ST3GAL1: variants seen among roughly 807,000 people sequenced by gnomAD.
The protein encoded by ST3GAL1 is CMP-N-acetylneuraminate-beta-galactosamide-alpha-2,3-sialyltransferase 1.
ST3GAL1 carries 16 observed loss-of-function variants against 34.1 expected under a neutral mutation model. The ratio of observed to expected loss-of-function variants is 0.47; its 90% CI spans 0.32 to 0.71. The LOEUF is 0.71. ST3GAL1 is among the 30% of genes least tolerant of loss of function. The pLI, the probability that ST3GAL1 is intolerant of heterozygous loss-of-function variation, is 0.04. For missense variants in ST3GAL1, 353 were observed against 447.4 expected, an observed-to-expected ratio of 0.79 and a Z score of 1.90; for synonymous variants, 191 against 184.7, an observed-to-expected ratio of 1.03 and a Z score of -0.28.
At chr8:133,521,315 T>C (rs1646342143) in intron 2 of ST3GAL1, among the ~76,000 whole-genome samples, 1 of 151,872 alleles carries the variant, frequency 6.6e-6, no homozygotes, top group Non-Finnish European at 1.5e-5. Context: ...TGGGGGTTTT[T>C]TGAGACGGAA....
intron 2 of ST3GAL1, among the ~76,000 whole-genome samples, chr8:133,538,517 AAAATAAAT>A (rs1412459381): frequency 6.6e-6 from 1 of 152,212 alleles, no homozygotes; most frequent in Non-Finnish European, 1.5e-5. Flanking sequence ...TCCATCTCAA[AAAATAAAT>A]AAATAAATAA....
At chr8:133,559,980 G>A (rs1819169090) in intron 1 of ST3GAL1, among the ~76,000 whole-genome samples, 1 of 152,214 alleles carries the variant, frequency 6.6e-6, no homozygotes, top group South Asian at 2.1e-4. Context: ...GCCATGCAGG[G>A]ACGGATGTGG....
At chr8:133,565,078 A>G (rs992322777) in intron 1 of ST3GAL1, among the ~76,000 whole-genome samples, 1 of 152,028 alleles carries the variant, frequency 6.6e-6, no homozygotes, top group African/African-American at 2.4e-5. Flanking sequence ...TTACCTGCCA[A>G]CTGGTAATCT....
At chr8:133,500,535 G>A (rs1817116525) in intron 2 of ST3GAL1, among the ~76,000 whole-genome samples, 1 of 152,206 alleles carries the variant, frequency 6.6e-6, no homozygotes, top group Admixed American at 6.5e-5. Flanking sequence ...CTGGGTCTGA[G>A]GGCAGTGATG....
At chr8:133,512,595 T>C (rs907312283) in intron 2 of ST3GAL1, among the ~76,000 whole-genome samples, 8 of 152,228 alleles carry the variant, frequency 5.3e-5, no homozygotes, top group South Asian at 2.1e-4. Flanking sequence ...TCGGAGGCCA[T>C]TGAAAGGTGA....
chr8:133,511,030 T>C (rs753647728), intron 2 of ST3GAL1, among the ~76,000 whole-genome samples: 5 of 152,240 alleles, frequency 3.3e-5, no homozygotes, highest in African/African-American at 4.8e-5. Flanking sequence ...CCATAGCAGA[T>C]AGAGGGCAAA....
chr8:133,566,774 T>G (rs1479607511), intron 1 of ST3GAL1, among the ~76,000 whole-genome samples: 1 of 152,130 alleles, frequency 6.6e-6, no homozygotes, highest in Non-Finnish European at 1.5e-5. Context: ...AAAAGGCAAA[T>G]GCAAAGCAGC....
Position 133,486,982 on chromosome 8 carries a change from T to C in ST3GAL1, c.-373-10382A>G, listed in dbSNP as rs560834913. 7.7e-4 allele frequency among the ~76,000 whole-genome samples: 117 copies of C among 152,364 alleles called. 5 individuals are homozygous for C. In the South Asian group the frequency reaches 0.024, roughly 31 times the overall value. On this transcript the variant is annotated intron_variant, in intron 3 of 9. Coordinates refer to ENST00000522652, the MANE Select transcript of ST3GAL1 (RefSeq NM_173344.3). ...TTATTGAGACGGAGTCTCGCTCTGT[T>C]GCCCAGGCTGGAGTGCAGTGGTGTC...
intron 1 of ST3GAL1, among the ~76,000 whole-genome samples, chr8:133,562,836 TCCTTC>T (rs1819279032): frequency 1.7e-5 from 2 of 115,108 alleles, no homozygotes; most frequent in Non-Finnish European, 3.5e-5. Context: ...CTTCCTTCCT[TCCTTC>T]CTTTCTTTCT....
intron 5 of ST3GAL1, among the ~76,000 whole-genome samples, chr8:133,468,234 ATAAACAAACATAG>A (rs1316923956): frequency 5.3e-5 from 8 of 152,250 alleles, no homozygotes; most frequent in African/African-American, 1.9e-4. Context: ...CGATGGATGA[ATAAACAAACATAG>A]TACGTTCCAG....
At chr8:133,522,844 C>T (rs1817852869) in intron 2 of ST3GAL1, among the ~76,000 whole-genome samples, 1 of 152,162 alleles carries the variant, frequency 6.6e-6, no homozygotes, top group Non-Finnish European at 1.5e-5. Flanking sequence ...TCTCTGGCCT[C>T]CTGGTGTGCT....
chr8:133,509,520 G>A (rs539896601), intron 2 of ST3GAL1, among the ~76,000 whole-genome samples: 2 of 152,350 alleles, frequency 1.3e-5, no homozygotes, highest in South Asian at 2.1e-4. Flanking sequence ...AGGGCGTGGG[G>A]CACCAGGGGG....
chr8:133,501,118 A>C (rs569792512), intron 2 of ST3GAL1, among the ~76,000 whole-genome samples: 37 of 152,318 alleles, frequency 2.4e-4, no homozygotes, highest in African/African-American at 8.7e-4. Flanking sequence ...GTTCTTTCTA[A>C]GCAAGGCCAG....
In ST3GAL1 at chr8:133,548,866, T is replaced by C. The variant is rs372343912; in HGVS notation, c.-581-2940A>G. Among the ~76,000 whole-genome samples, 30 of 152,328 alleles carry C rather than the reference T, an allele frequency of 2.0e-4. No individual in the cohort carries two copies. In the East Asian group the frequency reaches 2.5e-3, roughly 13 times the overall value. ...CACTCTTACCCCACTGGCTATCATA[T>C]GGGTGTAGGAGGCACTAAATAATGA... On this transcript the variant is annotated intron_variant, in intron 1 of 9. Coordinates refer to ENST00000522652, the MANE Select transcript of ST3GAL1 (RefSeq NM_173344.3).
chr8:133,475,665 C>G, intron 5 of ST3GAL1, 54 bp downstream of exon 5: 1 of 1,492,216 alleles, frequency 6.7e-7, no homozygotes, highest in Non-Finnish European at 8.9e-7. Flanking sequence ...AGACCCCACT[C>G]TCAGTCCACA....
chr8:133,563,727 G>C (rs770513352), intron 1 of ST3GAL1, among the ~76,000 whole-genome samples: 10 of 152,304 alleles, frequency 6.6e-5, no homozygotes, highest in Middle Eastern at 3.4e-3. Context: ...CTGAACCTTT[G>C]CTCATTATAA....
At chr8:133,544,667 G>A (rs568837870) in intron 2 of ST3GAL1, among the ~76,000 whole-genome samples, 2 of 152,268 alleles carry the variant, frequency 1.3e-5, no homozygotes, top group East Asian at 3.9e-4. Context: ...CACCAGAAGG[G>A]CTCAAGCTCA....
At chr8:133,496,682 G>A (rs1816955205) in intron 3 of ST3GAL1, among the ~76,000 whole-genome samples, 1 of 152,170 alleles carries the variant, frequency 6.6e-6, no homozygotes. Flanking sequence ...GTGGAGCCCA[G>A]GGTTCTGGTT....
chr8:133,475,282 G>A (rs987946295), intron 5 of ST3GAL1, among the ~76,000 whole-genome samples: 2 of 152,236 alleles, frequency 1.3e-5, no homozygotes, highest in East Asian at 1.9e-4. Flanking sequence ...GGCCTGGGGC[G>A]GCTTCCCCCT....
Sources: gnomAD v4.1 joint callset for allele counts (sites outside exome capture counted in the v4.1 genomes callset) on GRCh38, gnomAD v4.1.1 for gene constraint, MANE v1.5 for transcripts, NCBI Gene and HGNC (gene_info 2026-07-23, HGNC 2026-07-21) for gene names.